Variants in C1QTNF8 observed in about 807,000 individuals in gnomAD.
C1QTNF8 encodes complement C1q tumor necrosis factor-related protein 8.
A neutral mutation model predicts 19.2 loss-of-function variants in C1QTNF8; 27 were observed. The observed-to-expected ratio is 1.41, with a 90% CI of 1.04 to 1.94. The LOEUF (loss-of-function observed/expected upper bound fraction) is 1.94. Among genes scored for constraint, C1QTNF8 ranks in the 30% most tolerant of loss-of-function variants. The probability of loss-of-function intolerance (pLI) is 0.00; values close to 1 mark genes in which losing one functional copy is unlikely to be tolerated. For missense variants in C1QTNF8, 484 were observed against 374.4 expected, an observed-to-expected ratio of 1.29 and a Z score of -2.42; for synonymous variants, 208 against 172.8, an observed-to-expected ratio of 1.20 and a Z score of -1.60.
rs62012302 is a variant in C1QTNF8, at chr16:1,091,324, C to G, written c.*5-730G>C. Among the ~76,000 whole-genome samples, 1,272 of 152,262 alleles carry G rather than the reference C, an allele frequency of 8.4e-3. 7 individuals are homozygous for G. The highest frequency in any genetic ancestry group is 0.014 in the Non-Finnish European group (929 of 67,994). On this transcript the variant is annotated intron_variant, in intron 4 of 4. Coordinates refer to ENST00000328449, the MANE Select transcript of C1QTNF8 (RefSeq NM_207419.3). ...CAGCATGGCTGAGCTGCTCCTGATG[C>G]TGCTCCTGCCCGGGCCCAGTGGCCG...
chr16:1,094,007 C>G lies in C1QTNF8; in HGVS notation c.253G>C (p.Gly85Arg). The change falls in exon 4 of 5, where the codon GGG becomes CGG. Residue 85 changes from glycine (G) to arginine (R), a missense_variant. By Grantham distance (125) the Gly-to-Arg change is moderately radical. Coordinates refer to ENST00000328449, the MANE Select transcript of C1QTNF8 (RefSeq NM_207419.3). ...CGGGCGCCTGGCGGCCCCTCTTTCC[C>G]GCTCCTGCCGGCCCGACCTCGGACG... ...AGVRGRAGRS[G>R]KEGPPGARGL... 6.7e-7 allele frequency: 1 copy of G among 1,485,822 alleles called. No homozygotes were observed. The highest frequency in any genetic ancestry group is 8.8e-7 in the Non-Finnish European group (1 of 1,134,896). The allele number at this position is 1,485,822 out of a possible 1,614,324, so 92.0% of individuals were successfully genotyped here.
At chr16:1,090,920 G>T (rs1208931311) in intron 4 of C1QTNF8, among the ~76,000 whole-genome samples, 5 of 152,200 alleles carry the variant, frequency 3.3e-5, no homozygotes, top group Non-Finnish European at 7.4e-5. Context: ...TGCAGCCCGT[G>T]CCCTCCTACC....
intron 3 of C1QTNF8, 40 bp downstream of exon 3, chr16:1,094,675 C>G: frequency 6.4e-7 from 1 of 1,558,176 alleles, no homozygotes; most frequent in East Asian, 2.4e-5. Flanking sequence ...GCTGTTGGGT[C>G]CTGGTGGGGG....
intron 2 of C1QTNF8, among the ~76,000 whole-genome samples, chr16:1,095,183 C>T (rs1960658746): frequency 6.6e-6 from 1 of 152,218 alleles, no homozygotes; most frequent in Non-Finnish European, 1.5e-5. Flanking sequence ...AAGCTGGGGC[C>T]CCCACACCCG....
At chr16:1,095,534 TCCCC>T (rs1440533130) in intron 2 of C1QTNF8, 77 bp downstream of exon 2, 1 of 151,920 alleles carries the variant, frequency 6.6e-6, no homozygotes, top group Non-Finnish European at 1.5e-5. Flanking sequence ...CCAACCTGGG[TCCCC>T]CTGAGCAAGG....
rs1960647410 is a variant in C1QTNF8, at chr16:1,094,731, G to A, written c.192C>T (p.Asp64=). 2 of 1,586,920 alleles carry A rather than the reference G, an allele frequency of 1.3e-6. No homozygotes were observed. The highest frequency in any genetic ancestry group is 1.4e-5 in the African/African-American group (1 of 72,710). The part of the protein sequence containing the change: ...RGLPRVRPTI[D]IEILKGEKGE... ...GGGCCTCACCTTTGAGGATTTCGAT[G>A]TCTATAGTGGGCCGTACTCGAGGCA... Residue 64 remains aspartate (D), a synonymous_variant, in exon 3 of 5, where the codon GAC becomes GAT. Transcript: ENST00000328449.
rs1960618306 is a variant in C1QTNF8 at position 1,093,710 on chromosome 16, G to A, written c.550C>T (p.Leu184=). The change falls in exon 4 of 5, where the codon CTG becomes TTG. Residue 184 remains leucine, a synonymous_variant. Coordinates refer to ENST00000328449, the MANE Select transcript of C1QTNF8 (RefSeq NM_207419.3). ...AGCACGGCCGCGGGCCGCCGGTTCA[G>A]CATGATGTGCAGGTAGGTCTCCTTG... ...NYKETYLHIM[L]NRRPAAVLYA... is the part of the protein sequence containing the mutation. The A allele has an allele frequency of 6.2e-7, 1 of 1,611,712 alleles. No individual in the cohort carries two copies. Among genetic ancestry groups the A allele is most frequent in the Non-Finnish European group, 8.5e-7 (1 of 1,179,318 alleles).
chr16:1,093,876 G>A lies in C1QTNF8; in HGVS notation c.384C>T (p.His128=). The change falls in exon 4 of 5, where the codon CAC becomes CAT. Residue 128 remains histidine, a synonymous_variant. Transcript: ENST00000328449. The part of the protein sequence containing the change: ...AFSVGRREGL[H]SSDHFQAVPF... ...GCACCGCCTGGAAGTGGTCGGAGCT[G>A]TGCAGGCCCTCGCGCCGGCCCACGG... is the stretch of plus-strand genomic sequence containing the variant. The A allele has an allele frequency of 1.9e-6, 3 of 1,582,858 alleles. No individual in the cohort carries two copies. The highest frequency in any genetic ancestry group is 2.6e-6 in the Non-Finnish European group (3 of 1,171,078).
At position 1,092,112 on chromosome 16, in the gene C1QTNF8, C is replaced by T. The variant is rs145724542; in HGVS notation, c.*4+1385G>A. Among the ~76,000 whole-genome samples the T allele has an allele frequency of 6.9e-3, 1,052 of 152,364 alleles. 10 individuals carry two copies. Among genetic ancestry groups the T allele is most frequent in the Non-Finnish European group, 8.5e-3 (576 of 68,036 alleles). ...CCCAGCTCGCTCTACCACCTGGCTA[C>T]GCCCACCGCACACCCAGTACCACAG... On this transcript the variant is annotated intron_variant, in intron 4 of 4. Transcript: ENST00000328449.
intron 4 of C1QTNF8, among the ~76,000 whole-genome samples, chr16:1,091,329 C>A (rs777303828): frequency 1.4e-4 from 22 of 152,126 alleles, no homozygotes; most frequent in Admixed American, 1.2e-3. Context: ...TGATGCTGCT[C>A]CTGCCCGGGC....
intron 4 of C1QTNF8, among the ~76,000 whole-genome samples, chr16:1,091,678 T>C (rs1960546591): frequency 1.3e-5 from 2 of 152,172 alleles, no homozygotes; most frequent in Admixed American, 1.3e-4. Flanking sequence ...GGCAACTCCG[T>C]GGGGGTCTGA....
Position 1,094,828 on chromosome 16 carries a change from G to A in C1QTNF8, c.95C>T (p.Pro32Leu), listed in dbSNP as rs750167778. 1.1e-5 allele frequency: 16 copies of A among 1,468,232 alleles called. No homozygotes were observed. Among genetic ancestry groups the A allele is most frequent in the South Asian group, 1.0e-4 (7 of 68,706 alleles). 91.0% of individuals were successfully genotyped at this position (1,468,232 alleles called of 1,614,324 possible). ...GGCATAGGGTCCAGGGGGCCAGGCCGGGCGGCAGCAGTGCACACAGGGCCT... is the reference window on the plus strand; with the variant it reads ...GGCATAGGGTCCAGGGGGCCAGGCCAGGCGGCAGCAGTGCACACAGGGCCT... ...PRRPCVHCCRPAWPPGPYARV... is the reference protein window; with the variant it reads ...PRRPCVHCCRLAWPPGPYARV... The change falls in exon 3 of 5, where the codon CCG becomes CTG. Residue 32 changes from proline (P) to leucine (L), a missense_variant. Transcript: ENST00000328449.
At position 1,093,666 on chromosome 16, in the gene C1QTNF8, C is replaced by G. The variant is rs1365892629; in HGVS notation, c.594G>C (p.Glu198Asp). 6.2e-7 allele frequency: 1 copy of G among 1,609,952 alleles called. No individual in the cohort carries two copies. Among genetic ancestry groups the G allele is most frequent in the Non-Finnish European group, 8.5e-7 (1 of 1,178,146 alleles). Residue 198 changes from glutamate to aspartate, a missense_variant, in exon 4 of 5, where the codon GAG becomes GAC. By Grantham distance (45) the Glu-to-Asp change is conservative. Coordinates refer to ENST00000328449, the MANE Select transcript of C1QTNF8 (RefSeq NM_207419.3). ...PAAVLYAQPS[E>D]RSVMQAQSLM... The stretch of plus-strand genomic sequence containing the variant: ...GGCTCTGGGCCTGCATGACGCTGCG[C>G]TCGCTGGGCTGCGCGTAGAGCACGG...
Position 1,094,750 on chromosome 16 carries a change from C to A in C1QTNF8, c.173G>T (p.Arg58Leu). The A allele has an allele frequency of 6.4e-7, 1 of 1,561,624 alleles. No individual in the cohort carries two copies. Among genetic ancestry groups the A allele is most frequent in the Non-Finnish European group, 8.6e-7 (1 of 1,156,338 alleles). ...WRGDLWRGLP[R>L]VRPTIDIEIL... ...TTCGATGTCTATAGTGGGCCGTACT[C>A]GAGGCAGCCCCCTCCACAGGTCCCC... is the stretch of plus-strand genomic sequence containing the variant. The change falls in exon 3 of 5, where the codon CGA becomes CTA. Residue 58 changes from arginine (R) to leucine (L), a missense_variant. Coordinates refer to ENST00000328449, the MANE Select transcript of C1QTNF8 (RefSeq NM_207419.3).
intron 4 of C1QTNF8, among the ~76,000 whole-genome samples, chr16:1,093,055 C>A (rs867236512): frequency 1.0e-4 from 11 of 108,934 alleles, no homozygotes; most frequent in East Asian, 3.0e-4. Flanking sequence ...GGCGCTCAAC[C>A]AATCACTGCA....
chr16:1,095,146 C>T (rs374391168), intron 2 of C1QTNF8, among the ~76,000 whole-genome samples: 2 of 152,364 alleles, frequency 1.3e-5, no homozygotes, highest in East Asian at 3.9e-4. Context: ...ACCCTGCACA[C>T]CTGGAGTCGG....
rs760868275 is a variant in C1QTNF8, at chr16:1,093,741, C to T, written c.519G>A (p.Trp173Ter). The T allele has an allele frequency of 3.1e-6, 5 of 1,612,208 alleles. No individual in the cohort carries two copies. In the South Asian group the frequency reaches 5.5e-5, roughly 18 times the overall value. ...VYFLSLNVHT[W>*]NYKETYLHIM... The stretch of plus-strand genomic sequence containing the variant: ...TGTGCAGGTAGGTCTCCTTGTAGTT[C>T]CAGGTGTGCACGTTGAGGCTGAGGA... Residue 173 changes from tryptophan to a stop codon, truncating the protein, a stop_gained, in exon 4 of 5, where the codon TGG becomes TGA. Transcript: ENST00000328449. LOFTEE classifies it high-confidence loss of function.
chr16:1,094,758 C>T lies in C1QTNF8; in HGVS notation c.165G>A (p.Gly55=), dbSNP rs769768932. The stretch of plus-strand genomic sequence containing the variant: ...CTATAGTGGGCCGTACTCGAGGCAG[C>T]CCCCTCCACAGGTCCCCCCTCCACA... ...RDLWRGDLWR[G]LPRVRPTIDI... Residue 55 remains glycine (G), a synonymous_variant, in exon 3 of 5, where the codon GGG becomes GGA. Coordinates refer to ENST00000328449, the MANE Select transcript of C1QTNF8 (RefSeq NM_207419.3). 3.2e-6 allele frequency: 5 copies of T among 1,556,416 alleles called. No individual in the cohort carries two copies. The highest frequency in any genetic ancestry group is 1.9e-5 in the Admixed American group (1 of 52,976).
rs545085874 is a variant in C1QTNF8 at position 1,093,986 on chromosome 16, C to A, written c.274G>T (p.Ala92Ser). 2.2e-5 allele frequency: 32 copies of A among 1,468,692 alleles called. 1 individual carries two copies. The South Asian group carries it at 4.1e-4, about 19-fold the overall frequency. The allele number at this position is 1,468,692 out of a possible 1,614,324, so 91.0% of individuals were successfully genotyped here. A position where few individuals can be genotyped will look rare whatever the true frequency, so the allele number is the denominator to read the frequency against. ...CCTCTGCGGCCCTGCAGGCCCCGGG[C>A]GCCTGGCGGCCCCTCTTTCCCGCTC... ...GRSGKEGPPG[A>S]RGLQGRRGQK... The change falls in exon 4 of 5, where the codon GCC becomes TCC. Residue 92 changes from alanine (A) to serine (S), a missense_variant. Transcript: ENST00000328449.
Sources: allele counts gnomAD v4.1 joint callset (sites outside exome capture counted in the v4.1 genomes callset), GRCh38; gene constraint gnomAD v4.1.1; transcripts MANE v1.5; gene names NCBI Gene and HGNC (gene_info 2026-07-23, HGNC 2026-07-21).